The following DACH2 variants were observed in gnomAD, a reference collection of about 807,000 sequenced individuals.
DACH2 encodes the protein dachshund homolog 2.
A neutral mutation model predicts 35.8 loss-of-function variants in DACH2; 17 were observed. The ratio of observed to expected loss-of-function variants is 0.48; its 90% CI spans 0.33 to 0.71. DACH2 has a LOEUF of 0.71. DACH2 is among the 30% of genes least tolerant of loss of function. DACH2 has a pLI of 0.02. For missense variants in DACH2, 469 were observed against 472.7 expected (o/e 0.99, Z 0.07); for synonymous variants, 195 against 177.3 (o/e 1.10, Z -0.79).
intron 1 of DACH2, among the ~76,000 whole-genome samples, chrX:86,326,064 T>A (rs1437694283): frequency 8.9e-6 from 1 of 111,924 alleles, no homozygotes; most frequent in Non-Finnish European, 1.9e-5. Flanking sequence ...AAAATTTGAA[T>A]TTTTCACTTT....
At chrX:86,694,097 G>A (rs190516282) in intron 4 of DACH2, among the ~76,000 whole-genome samples, 294 of 111,987 alleles carry the variant, frequency 2.6e-3, no homozygotes, top group Middle Eastern at 0.023. Context: ...GATGGTGTCA[G>A]CCAGGTAGAG....
At chrX:86,742,377 G>T (rs1449076007) in intron 7 of DACH2, among the ~76,000 whole-genome samples, 3 of 110,040 alleles carry the variant, frequency 2.7e-5, no homozygotes, top group African/African-American at 9.9e-5. Flanking sequence ...TATTAATTTT[G>T]CTATGTTGGC....
intron 1 of DACH2, among the ~76,000 whole-genome samples, chrX:86,179,963 T>C (rs1442982318): frequency 2.8e-5 from 3 of 108,434 alleles, no homozygotes; most frequent in East Asian, 5.8e-4. Flanking sequence ...TCATTCCAAA[T>C]ATGTATTTGC....
chrX:86,696,508 T>C (rs903908559), intron 5 of DACH2, among the ~76,000 whole-genome samples: 4 of 111,818 alleles, frequency 3.6e-5, no homozygotes, highest in African/African-American at 6.5e-5. Flanking sequence ...TAGTCTGACA[T>C]GTAAAGAGCT....
intron 5 of DACH2, among the ~76,000 whole-genome samples, chrX:86,713,681 C>T (rs953613551): frequency 3.6e-5 from 4 of 111,639 alleles, no homozygotes; most frequent in African/African-American, 1.3e-4. Context: ...ATCCATGAAG[C>T]TAGACTAAAT....
At chrX:86,782,962 A>G in intron 7 of DACH2, among the ~76,000 whole-genome samples, 1 of 111,905 alleles carries the variant, frequency 8.9e-6, no homozygotes, top group South Asian at 3.7e-4. Flanking sequence ...AATACAATCA[A>G]AAAAGTGAAG....
intron 4 of DACH2, among the ~76,000 whole-genome samples, chrX:86,671,460 T>G (rs931466322): frequency 4.5e-5 from 5 of 111,481 alleles, no homozygotes; most frequent in African/African-American, 1.3e-4. Context: ...TTGAATGATG[T>G]GAAGATTTCC....
intron 2 of DACH2, among the ~76,000 whole-genome samples, chrX:86,442,663 G>A (rs779134902): frequency 1.4e-4 from 15 of 109,282 alleles, no homozygotes; most frequent in African/African-American, 5.0e-4. Context: ...GTTTTCTTCT[G>A]GGAGTTTTTT....
chrX:86,524,438 A>G (rs774186297), intron 3 of DACH2, among the ~76,000 whole-genome samples: 1 of 112,206 alleles, frequency 8.9e-6, no homozygotes, highest in South Asian at 3.6e-4. Flanking sequence ...TTTTTATGTC[A>G]TTGCATTTTC....
intron 7 of DACH2, among the ~76,000 whole-genome samples, chrX:86,776,978 A>G (rs1042637161): frequency 8.9e-6 from 1 of 111,806 alleles, no homozygotes; most frequent in Admixed American, 9.5e-5. Flanking sequence ...TTCTTAATCC[A>G]GTCTATCATT....
intron 7 of DACH2, among the ~76,000 whole-genome samples, chrX:86,792,045 C>G (rs1018915140): frequency 1.8e-5 from 2 of 111,587 alleles, no homozygotes; most frequent in African/African-American, 6.5e-5. Context: ...AGTTTTTGTA[C>G]TATGTCTTTG....
At chrX:86,188,849 A>G (rs968004304) in intron 1 of DACH2, among the ~76,000 whole-genome samples, 3 of 112,322 alleles carry the variant, frequency 2.7e-5, no homozygotes, top group African/African-American at 9.7e-5. Flanking sequence ...CAGCACTGTA[A>G]GAGAAAAAGT....
rs560595899 is a variant in DACH2 at position 86,521,321 on chromosome X, C to T, written c.640+6930C>T. Among the ~76,000 whole-genome samples, 193 of 111,544 alleles carry T rather than the reference C, an allele frequency of 1.7e-3. 1 individual carries two copies. The highest frequency in any genetic ancestry group is 5.8e-3 in the African/African-American group (178 of 30,770). ...TAGATGACCTGCCCTTTCTTTCTAG[C>T]TGCCTTTACCATTCTTACTTTCATT... On this transcript the variant is annotated intron_variant, in intron 3 of 11. Coordinates refer to ENST00000373125, the MANE Select transcript of DACH2 (RefSeq NM_053281.3).
intron 3 of DACH2, among the ~76,000 whole-genome samples, chrX:86,604,732 A>G (rs190253967): frequency 3.6e-5 from 4 of 111,721 alleles, no homozygotes; most frequent in African/African-American, 9.7e-5. Flanking sequence ...CAATGTAATC[A>G]CATGAGTCCT....
intron 7 of DACH2, among the ~76,000 whole-genome samples, chrX:86,754,082 A>T (rs1238946406): frequency 8.9e-6 from 1 of 111,912 alleles, no homozygotes; most frequent in Non-Finnish European, 1.9e-5. Context: ...TAGGGAATTA[A>T]AACATGGAAT....
intron 1 of DACH2, among the ~76,000 whole-genome samples, chrX:86,274,537 C>T (rs2033879849): frequency 1.2e-5 from 1 of 83,692 alleles, no homozygotes; most frequent in Non-Finnish European, 2.2e-5. Context: ...CTCTGTCGCC[C>T]AGGCTGGAGA....
chrX:86,200,621 G>C (rs1253905099), intron 1 of DACH2, among the ~76,000 whole-genome samples: 1 of 56,425 alleles, frequency 1.8e-5, no homozygotes. Context: ...GTGGGTAAAG[G>C]ACATGAACTT....
At chrX:86,524,521 C>T (rs945919414) in intron 3 of DACH2, among the ~76,000 whole-genome samples, 11 of 111,796 alleles carry the variant, frequency 9.8e-5, no homozygotes, top group South Asian at 3.7e-4. Flanking sequence ...ATATTTCTAA[C>T]GTAGAGTTTA....
intron 3 of DACH2, among the ~76,000 whole-genome samples, chrX:86,596,447 T>C (rs1354040156): frequency 1.8e-5 from 2 of 111,894 alleles, no homozygotes; most frequent in East Asian, 5.6e-4. Context: ...GGTTTTGATT[T>C]ACTTTTTACT....
Sources: allele counts gnomAD v4.1 joint callset (sites outside exome capture counted in the v4.1 genomes callset), GRCh38; gene constraint gnomAD v4.1.1; transcripts MANE v1.5; gene names NCBI Gene and HGNC (gene_info 2026-07-23, HGNC 2026-07-21).